TRAIP: variants seen among roughly 807,000 people sequenced by gnomAD.
TRAIP encodes TRAF interacting protein, also known as E3 ubiquitin-protein ligase TRAIP.
A neutral mutation model predicts 65.0 loss-of-function variants in TRAIP; 37 were observed. The ratio of observed to expected loss-of-function variants is 0.57; its 90% CI spans 0.44 to 0.75. The LOEUF (loss-of-function observed/expected upper bound fraction) is 0.75, where lower values mean the gene tolerates loss of function less well. TRAIP is among the 30% of genes least tolerant of loss of function. TRAIP has a pLI of 0.00. For missense variants in TRAIP, 481 were observed against 579.4 expected, an observed-to-expected ratio of 0.83 and a Z score of 1.74; for synonymous variants, 187 against 219.1, an observed-to-expected ratio of 0.85 and a Z score of 1.29.
intron 10 of TRAIP, among the ~76,000 whole-genome samples, chr3:49,836,272 C>T (rs1008348744): frequency 6.6e-6 from 1 of 152,080 alleles, no homozygotes; most frequent in Non-Finnish European, 1.5e-5. Context: ...GGGAAGATCA[C>T]TTGAGATCAG....
intron 3 of TRAIP, among the ~76,000 whole-genome samples, chr3:49,845,165 T>C (rs1461486949): frequency 6.6e-6 from 1 of 152,164 alleles, no homozygotes; most frequent in Non-Finnish European, 1.5e-5. Flanking sequence ...GTCTAGTCTC[T>C]AACTAGACTA....
At chr3:49,829,392 G>A in intron 14 of TRAIP, 66 bp downstream of exon 14, 3 of 1,612,962 alleles carry the variant, frequency 1.9e-6, no homozygotes, top group Non-Finnish European at 2.5e-6. Context: ...GCAGGCTGGG[G>A]GTATAGGTGA....
intron 3 of TRAIP, 90 bp downstream of exon 3, chr3:49,847,435 A>T: frequency 3.7e-6 from 3 of 815,586 alleles, no homozygotes; most frequent in Non-Finnish European, 6.0e-6. Context: ...AAGAGAAGAG[A>T]AGAGAAGAGA....
chr3:49,841,900 C>T lies in TRAIP; in HGVS notation c.543G>A (p.Glu181=). The part of the protein sequence containing the change: ...LLLQSQRPEV[E]EMIRDMGVGQ... ...CCACACCCATGTCTCGGATCATCTC[C>T]TCCACCTCAGGGCGCTGGCTCTGGA... The change falls in exon 7 of 15, where the codon GAG becomes GAA. Residue 181 remains glutamate (E), a synonymous_variant. Coordinates refer to ENST00000331456, the MANE Select transcript of TRAIP (RefSeq NM_005879.3). The T allele has an allele frequency of 6.2e-7, 1 of 1,614,254 alleles. No individual in the cohort carries two copies. Among genetic ancestry groups the T allele is most frequent in the Non-Finnish European group, 8.5e-7 (1 of 1,180,048 alleles).
chr3:49,852,095 G>A (rs2081937321), intron 1 of TRAIP, among the ~76,000 whole-genome samples: 1 of 151,870 alleles, frequency 6.6e-6, no homozygotes, highest in Non-Finnish European at 1.5e-5. Context: ...TAGGCCAGGT[G>A]CAGTGGCTCA....
In TRAIP at chr3:49,831,824, T is replaced by A. The variant is rs1040716176; in HGVS notation, c.1037+92A>T. The stretch of plus-strand genomic sequence containing the variant: ...AGCCTAGGCAACCCTCACTGCCCCA[T>A]CAGCCACTCAGAGCTAACAGCACAG... On this transcript the variant is annotated intron_variant, in intron 11 of 14. Transcript: ENST00000331456. 14 of 1,368,834 alleles carry A rather than the reference T, an allele frequency of 1.0e-5. No individual in the cohort carries two copies. In the Admixed American group the frequency reaches 3.6e-4, roughly 36 times the overall value. The allele number at this position is 1,368,834 out of a possible 1,614,324, so 84.8% of individuals were successfully genotyped here. A position where few individuals can be genotyped will look rare whatever the true frequency, so the allele number is the denominator to read the frequency against.
chr3:49,831,736 G>A (rs968563140), intron 11 of TRAIP, among the ~76,000 whole-genome samples, 180 bp downstream of exon 11: 1 of 152,200 alleles, frequency 6.6e-6, no homozygotes, highest in African/African-American at 2.4e-5. Flanking sequence ...AAGAGAAGGG[G>A]TTTGCACAGA....
At chr3:49,845,627 G>A (rs1398465846) in intron 3 of TRAIP, among the ~76,000 whole-genome samples, 2 of 152,208 alleles carry the variant, frequency 1.3e-5, no homozygotes, top group Non-Finnish European at 2.9e-5. Context: ...AGGGCTGCCT[G>A]AGAACAGATA....
chr3:49,849,460 C>A (rs1427439740), intron 1 of TRAIP, among the ~76,000 whole-genome samples: 1 of 151,996 alleles, frequency 6.6e-6, no homozygotes, highest in Non-Finnish European at 1.5e-5. Flanking sequence ...TCCATCTCTA[C>A]TAAAAATACA....
intron 6 of TRAIP, 110 bp downstream of exon 6, chr3:49,842,343 T>C: frequency 1.8e-6 from 2 of 1,093,392 alleles, no homozygotes; most frequent in Non-Finnish European, 2.7e-6. Flanking sequence ...CCTATGGAGA[T>C]TTGAGCCTCG....
intron 10 of TRAIP, 136 bp from the exon 11 acceptor site, chr3:49,832,204 T>C: frequency 9.9e-7 from 1 of 1,008,664 alleles, no homozygotes; most frequent in South Asian, 2.5e-5. Context: ...AAGAGAGCCC[T>C]ACTCTCGGCC....
At chr3:49,840,242 C>A (rs1345234333) in intron 9 of TRAIP, 42 bp downstream of exon 9, 1 of 1,575,884 alleles carries the variant, frequency 6.3e-7, no homozygotes, top group Non-Finnish European at 8.7e-7. Flanking sequence ...GGAGGGCACA[C>A]AAACCACCCC....
At chr3:49,841,739 C>T in intron 7 of TRAIP, 87 bp downstream of exon 7, 1 of 1,069,922 alleles carries the variant, frequency 9.3e-7, no homozygotes, top group Non-Finnish European at 1.4e-6. Flanking sequence ...TTAGTTCCAT[C>T]TGCTTTACAA....
At chr3:49,852,605 A>T (rs1319274129) in intron 1 of TRAIP, among the ~76,000 whole-genome samples, 1 of 151,268 alleles carries the variant, frequency 6.6e-6, no homozygotes, top group African/African-American at 2.4e-5. Flanking sequence ...AATACAAAAA[A>T]TTAGCTGGGC....
intron 11 of TRAIP, 70 bp from the exon 12 acceptor site, chr3:49,830,138 C>G (rs2081719794): frequency 6.5e-7 from 1 of 1,550,028 alleles, no homozygotes; most frequent in South Asian, 1.1e-5. Context: ...AGGCTCAGCA[C>G]ACGCCCCTTG....
Position 49,829,498 on chromosome 3 carries a change from C to A in TRAIP, c.1247G>T (p.Gly416Val), listed in dbSNP as rs1241744933. 3 of 1,613,996 alleles carry A rather than the reference C, an allele frequency of 1.9e-6. No homozygotes were observed. The African/African-American group carries it at 4.0e-5, about 22-fold the overall frequency. ...SSCSKDVVRTGFDGLGGRTKF... is the reference protein window; with the variant it reads ...SSCSKDVVRTVFDGLGGRTKF... ...TGTCCGGCCACCGAGCCCATCGAAGCCTGTCCTTACCTAGGGTGGAAGGAA... is the reference window on the plus strand; with the variant it reads ...TGTCCGGCCACCGAGCCCATCGAAGACTGTCCTTACCTAGGGTGGAAGGAA... The change falls in exon 14 of 15, where the codon GGC (glycine) becomes GTC (valine). Residue 416 changes from glycine (G) to valine (V), a missense_variant. Transcript: ENST00000331456.
chr3:49,829,956 C>A, intron 12 of TRAIP, 64 bp downstream of exon 12: 1 of 1,603,814 alleles, frequency 6.2e-7, no homozygotes, highest in South Asian at 1.1e-5. Flanking sequence ...CTGGCAAGAC[C>A]GTGCCCTCCC....
intron 1 of TRAIP, among the ~76,000 whole-genome samples, chr3:49,850,354 C>G (rs935421120): frequency 6.6e-6 from 1 of 151,800 alleles, no homozygotes; most frequent in Admixed American, 6.6e-5. Flanking sequence ...GAAAAATTAG[C>G]CGGGTGTGGT....
chr3:49,842,015 C>G lies in TRAIP; in HGVS notation c.504-76G>C. ...AGGTACCCAGTGCCGCTCTGCCTTC[C>G]TTTGCTGCCGTTGCTAAGGTAACAG... On this transcript the variant is annotated intron_variant, in intron 6 of 14. Transcript: ENST00000331456. The G allele has an allele frequency of 2.5e-6, 3 of 1,206,728 alleles. No individual in the cohort carries two copies. In the South Asian group the frequency reaches 3.8e-5, roughly 15 times the overall value. 74.8% of individuals were successfully genotyped at this position (1,206,728 alleles called of 1,614,324 possible).
Sources: gnomAD v4.1 joint callset for allele counts (sites outside exome capture counted in the v4.1 genomes callset) on GRCh38, gnomAD v4.1.1 for gene constraint, MANE v1.5 for transcripts, NCBI Gene and HGNC (gene_info 2026-07-23, HGNC 2026-07-21) for gene names.